The following ABI2 variants were observed in gnomAD, a reference collection of about 807,000 sequenced individuals.
The protein encoded by ABI2 is abl interactor 2.
A neutral mutation model predicts 59.2 loss-of-function variants in ABI2; 25 were observed. The ratio of observed to expected loss-of-function variants is 0.42; its 90% CI spans 0.31 to 0.59. The LOEUF is 0.59. Among genes scored for constraint, ABI2 ranks in the 20% least tolerant of loss-of-function variants. The probability of loss-of-function intolerance (pLI) is 0.14; values close to 1 mark genes in which losing one functional copy is unlikely to be tolerated. For synonymous variants in ABI2, 213 were observed against 235.5 expected (o/e 0.90, Z 0.87); for missense variants, 545 against 681.8 (o/e 0.80, Z 2.23).
chr2:203,396,997 G>A, intron 8 of ABI2, 30 bp downstream of exon 8: 5 of 1,381,728 alleles, frequency 3.6e-6, no homozygotes, highest in Non-Finnish European at 4.7e-6. Flanking sequence ...TTGGCAGGCA[G>A]ATGCAGTCAT....
rs1372099618 is a variant in ABI2, at chr2:203,428,279, C to G, written c.*927C>G. Reference sequence around the variant, plus strand: ...ATCTTGGAGTTCAGACCAACTATGACTATCATTTCCTTCACTATCTAGAAA... The same window carrying G: ...ATCTTGGAGTTCAGACCAACTATGAGTATCATTTCCTTCACTATCTAGAAA... On this transcript the variant is annotated 3_prime_UTR_variant, in exon 12 of 12. Transcript: ENST00000261018. The G allele has an allele frequency of 6.6e-6, 1 of 152,578 alleles. No individual in the cohort carries two copies. Among genetic ancestry groups the G allele is most frequent in the Non-Finnish European group, 1.5e-5 (1 of 68,028 alleles). The allele number at this position is 152,578 out of a possible 1,614,324, so 9.5% of individuals were successfully genotyped here. A position where few individuals can be genotyped will look rare whatever the true frequency, so the allele number is the denominator to read the frequency against.
At chr2:203,394,993 C>T (rs2096914569) in intron 6 of ABI2, 147 bp downstream of exon 6, 1 of 905,526 alleles carries the variant, frequency 1.1e-6, no homozygotes, top group African/African-American at 1.6e-5. Context: ...CCTCTCTCTC[C>T]TCATGTTCTG....
At chr2:203,356,384 T>C (rs1231304116) in intron 1 of ABI2, among the ~76,000 whole-genome samples, 2 of 152,164 alleles carry the variant, frequency 1.3e-5, no homozygotes, top group Admixed American at 6.6e-5. Context: ...TTTTATTTAT[T>C]TTGAGACAGA....
intron 5 of ABI2, among the ~76,000 whole-genome samples, chr2:203,392,732 G>A (rs1161827867): frequency 6.6e-6 from 1 of 152,026 alleles, no homozygotes; most frequent in African/African-American, 2.4e-5. Flanking sequence ...AGTCAAGATT[G>A]TTAGTAAGAT....
chr2:203,331,703 G>T (rs1193344688), intron 1 of ABI2, among the ~76,000 whole-genome samples: 1 of 151,248 alleles, frequency 6.6e-6, no homozygotes, highest in East Asian at 2.0e-4. Context: ...ACTAGCTCGA[G>T]TTAACTAACC....
rs557779841 is a variant in ABI2, at chr2:203,363,413, G to A, written c.118-3464G>A. On this transcript the variant is annotated intron_variant, in intron 1 of 11. Coordinates refer to ENST00000261018, the MANE Select transcript of ABI2 (RefSeq NM_001375670.1). The stretch of plus-strand genomic sequence containing the variant: ...TCTTACTCATTCTTTTCTATTTTTC[G>A]TATCCATTAACCATTCTCACTTACC... Among the ~76,000 whole-genome samples, 11 of 151,590 alleles carry A rather than the reference G, an allele frequency of 7.3e-5. No individual in the cohort carries two copies. The South Asian group carries it at 2.3e-3, about 32-fold the overall frequency.
chr2:203,348,095 G>A (rs2084901267), intron 1 of ABI2, among the ~76,000 whole-genome samples: 1 of 152,066 alleles, frequency 6.6e-6, no homozygotes, highest in Admixed American at 6.6e-5. Context: ...ACAAAAGTTA[G>A]CTGGGCATGA....
At chr2:203,390,598 C>T (rs2096707165) in intron 4 of ABI2, among the ~76,000 whole-genome samples, 1 of 151,670 alleles carries the variant, frequency 6.6e-6, no homozygotes, top group Non-Finnish European at 1.5e-5. Context: ...TGCCCCTGCA[C>T]TCCAGCCTGG....
chr2:203,397,957 C>T (rs2097072777), intron 8 of ABI2, among the ~76,000 whole-genome samples: 1 of 152,166 alleles, frequency 6.6e-6, no homozygotes, highest in South Asian at 2.1e-4. Context: ...TCCCCCTAGG[C>T]CCCACCTCCA....
Position 203,342,860 on chromosome 2 carries a change from T to C in ABI2, c.117+14229T>C, listed in dbSNP as rs140578031. Among the ~76,000 whole-genome samples the C allele has an allele frequency of 5.0e-3, 756 of 152,304 alleles. 11 individuals are homozygous for C. The highest frequency in any genetic ancestry group is 0.017 in the African/African-American group (719 of 41,570). On this transcript the variant is annotated intron_variant, in intron 1 of 11. Transcript: ENST00000261018. ...TCTATACACACACACATCTCATTGT[T>C]TTTGAGAGAAAAGGAAGTTTAAATT...
At chr2:203,365,050 C>G (rs2094209961) in intron 1 of ABI2, among the ~76,000 whole-genome samples, 1 of 151,936 alleles carries the variant, frequency 6.6e-6, no homozygotes, top group South Asian at 2.1e-4. Context: ...ATGCTTTACT[C>G]CTTTTGATAA....
At chr2:203,419,568 G>A (rs2098103184) in intron 11 of ABI2, among the ~76,000 whole-genome samples, 2 of 147,316 alleles carry the variant, frequency 1.4e-5, no homozygotes, top group East Asian at 4.0e-4. Flanking sequence ...TGGTAGAGAC[G>A]GGGTTTCACC....
intron 5 of ABI2, among the ~76,000 whole-genome samples, chr2:203,392,786 GTGT>G (rs2096817515): frequency 2.0e-5 from 3 of 152,144 alleles, no homozygotes; most frequent in Non-Finnish European, 4.4e-5. Context: ...ATGAAACTTT[GTGT>G]TGTTTTCAAG....
intron 4 of ABI2, among the ~76,000 whole-genome samples, chr2:203,384,284 GTTTTTGTTT>G (rs1215455172): frequency 2.1e-5 from 1 of 48,514 alleles, no homozygotes; most frequent in East Asian, 5.8e-4. Context: ...TCTTGTTTTT[GTTTTTGTTT>G]TTTTTTTTTT....
At chr2:203,353,105 A>T (rs1414604070) in intron 1 of ABI2, among the ~76,000 whole-genome samples, 1 of 152,226 alleles carries the variant, frequency 6.6e-6, no homozygotes, top group Non-Finnish European at 1.5e-5. Flanking sequence ...CTCAGAATGT[A>T]TCCCTGTTAA....
At chr2:203,372,424 G>A (rs1486118117) in intron 2 of ABI2, among the ~76,000 whole-genome samples, 12 of 152,084 alleles carry the variant, frequency 7.9e-5, no homozygotes, top group Admixed American at 2.6e-4. Flanking sequence ...ATCCCGGCCC[G>A]TTCTCAATGA....
At chr2:203,367,248 T>A in intron 2 of ABI2, 1 of 627,942 alleles carries the variant, frequency 1.6e-6, no homozygotes. Flanking sequence ...AAGTAAATCG[T>A]AATGAATTTT....
At chr2:203,349,021 C>T (rs1410693358) in intron 1 of ABI2, among the ~76,000 whole-genome samples, 1 of 150,974 alleles carries the variant, frequency 6.6e-6, no homozygotes, top group Non-Finnish European at 1.5e-5. Flanking sequence ...CAGCCTCTAC[C>T]TCGTGGGTTC....
chr2:203,342,069 A>AT lies in ABI2; in HGVS notation c.117+13448dup, dbSNP rs373741015. 8.5e-3 allele frequency: 2,841 copies of AT among 333,056 alleles called. 14 individuals are homozygous for AT. Among genetic ancestry groups the AT allele is most frequent in the African/African-American group, 0.03 (1,337 of 45,304 alleles). 20.6% of individuals were successfully genotyped at this position (333,056 alleles called of 1,614,324 possible). ...TTCTGTGAAGAGAGGAATTATGTTC[A>AT]TTTTTTTTTTGCCTGTTATGTCCTC... On this transcript the variant is annotated intron_variant, in intron 1 of 11. Coordinates refer to ENST00000261018, the MANE Select transcript of ABI2 (RefSeq NM_001375670.1).
Sources: allele counts gnomAD v4.1 joint callset (sites outside exome capture counted in the v4.1 genomes callset), GRCh38; gene constraint gnomAD v4.1.1; transcripts MANE v1.5; gene names NCBI Gene and HGNC (gene_info 2026-07-23, HGNC 2026-07-21).